Variants in TMEM242 observed in about 807,000 individuals in gnomAD.
The protein encoded by TMEM242 is transmembrane protein 242.
TMEM242 carries 10 observed loss-of-function variants against 18.2 expected under a neutral mutation model. The ratio of observed to expected loss-of-function variants is 0.55; its 90% confidence interval spans 0.34 to 0.93. The LOEUF is 0.93. Among genes scored for constraint, TMEM242 ranks in the 40% least tolerant of loss-of-function variants. TMEM242 has a pLI of 0.02. For synonymous variants in TMEM242, 57 were observed against 69.9 expected (o/e 0.81, Z 0.92); for missense variants, 186 against 175.5 (o/e 1.06, Z -0.34).
rs150133490 is a variant in TMEM242 at position 157,292,943 on chromosome 6, G to T, written c.384C>A (p.Ser128=). The T allele has an allele frequency of 5.9e-4, 952 of 1,613,492 alleles. 4 individuals carry two copies. The African/African-American group carries it at 8.5e-3, about 14-fold the overall frequency. ...QSIFPTIPKN[S]ESAVEWEETL... ...TTTCCTCCCACTCAACAGCCGATTC[G>T]GAGTTCTTGGGAATTGTTGGAAATA... Residue 128 remains serine, a synonymous_variant, in exon 4 of 4, where the codon TCC becomes TCA. Coordinates refer to ENST00000400788, the MANE Select transcript of TMEM242 (RefSeq NM_018452.6).
intron 3 of TMEM242, among the ~76,000 whole-genome samples, chr6:157,308,837 A>C (rs1214520418): frequency 6.6e-6 from 1 of 152,230 alleles, no homozygotes; most frequent in Non-Finnish European, 1.5e-5. Context: ...GGATCCCAAG[A>C]AACTTTTATG....
At chr6:157,310,348 A>G (rs1222073763) in intron 3 of TMEM242, among the ~76,000 whole-genome samples, 1 of 264 alleles carries the variant, frequency 3.8e-3, no homozygotes, top group Non-Finnish European at 9.3e-3. Context: ...TCTTGATAAA[A>G]CAACTGAATC....
intron 3 of TMEM242, chr6:157,318,479 T>A: frequency 2.6e-6 from 1 of 382,688 alleles, no homozygotes; most frequent in East Asian, 3.9e-5. Flanking sequence ...TGCCGCAGGC[T>A]CCCAAGGTGC....
chr6:157,301,925 C>T (rs1777836007), intron 3 of TMEM242, among the ~76,000 whole-genome samples: 1 of 152,200 alleles, frequency 6.6e-6, no homozygotes, highest in Admixed American at 6.5e-5. Context: ...GAGCAAGACT[C>T]CGTCTCAACA....
intron 3 of TMEM242, among the ~76,000 whole-genome samples, chr6:157,313,989 C>G (rs1224289294): frequency 9.3e-5 from 10 of 108,098 alleles, no homozygotes; most frequent in South Asian, 3.0e-4. Flanking sequence ...CATAGTGCCC[C>G]AGTGTGCGCT....
intron 3 of TMEM242, chr6:157,299,422 T>C: frequency 1.5e-6 from 2 of 1,304,584 alleles, no homozygotes; most frequent in African/African-American, 1.4e-5. Context: ...CAGGAACACT[T>C]GAGTCTCCAT....
rs1213976067 is a variant in TMEM242, at chr6:157,289,053, C to T, written c.*3848G>A. 2.0e-5 allele frequency among the ~76,000 whole-genome samples: 3 copies of T among 147,160 alleles called. No individual in the cohort carries two copies. The highest frequency in any genetic ancestry group is 2.2e-4 in the South Asian group (1 of 4,624). The stretch of plus-strand genomic sequence containing the variant: ...CTTTAAGTACATTTAATACATTCAC[C>T]TTTTTTTTTTTTTAAAGTAAGGGAT... On this transcript the variant is annotated 3_prime_UTR_variant, in exon 4 of 4. Transcript: ENST00000400788.
intron 3 of TMEM242, among the ~76,000 whole-genome samples, chr6:157,310,748 GCACTCACC>G (rs1562382183): frequency 7.0e-6 from 1 of 142,166 alleles, no homozygotes; most frequent in African/African-American, 2.6e-5. Context: ...GTCCCAGTGT[GCACTCACC>G]CGGCCTCATC....
rs1314876205 is a variant in TMEM242, at chr6:157,305,282, G to T, written c.328-12283C>A. Among the ~76,000 whole-genome samples, 3 of 152,146 alleles carry T rather than the reference G, an allele frequency of 2.0e-5. No individual in the cohort carries two copies. The highest frequency in any genetic ancestry group is 4.4e-5 in the Non-Finnish European group (3 of 68,024). ...AGGACTTGCATGCATCAGATGAAGG[G>T]AACCAAGGGAAATGAGAGAATCTAA... is the stretch of plus-strand genomic sequence containing the variant. On this transcript the variant is annotated intron_variant, in intron 3 of 3. Transcript: ENST00000400788. This position sits in a 1 kb window ranked among gnomAD's most constrained non-coding sequence, Gnocchi z 4.1.
At chr6:157,313,008 G>A (rs797026521) in intron 3 of TMEM242, among the ~76,000 whole-genome samples, 2 of 143,202 alleles carry the variant, frequency 1.4e-5, no homozygotes, top group African/African-American at 2.6e-5. Context: ...GTGTCCCAGT[G>A]TCCGCTCACC....
At chr6:157,301,349 G>T (rs1420878178) in intron 3 of TMEM242, among the ~76,000 whole-genome samples, 1 of 151,310 alleles carries the variant, frequency 6.6e-6, no homozygotes, top group Non-Finnish European at 1.5e-5. Flanking sequence ...ACAGAGTCTT[G>T]CTCTGTTGCC....
intron 3 of TMEM242, among the ~76,000 whole-genome samples, chr6:157,313,561 C>G (rs1554249826): frequency 6.6e-6 from 1 of 151,900 alleles, no homozygotes; most frequent in South Asian, 2.1e-4. Flanking sequence ...GTTCGCTCAC[C>G]TAGCCTCATC....
intron 3 of TMEM242, among the ~76,000 whole-genome samples, chr6:157,311,665 C>T (rs62425575): frequency 0.49 from 970 of 1,984 alleles, 39 homozygotes; most frequent in South Asian, 0.55. Flanking sequence ...TGCACTCACC[C>T]GGCCTCATCA....
At chr6:157,294,412 G>A (rs923716923) in intron 3 of TMEM242, among the ~76,000 whole-genome samples, 25 of 145,154 alleles carry the variant, frequency 1.7e-4, no homozygotes, top group African/African-American at 6.1e-4. Context: ...GTGCAGTGGC[G>A]GGATCTCGGC....
intron 2 of TMEM242, among the ~76,000 whole-genome samples, chr6:157,321,001 T>A (rs1219934436): frequency 7.1e-6 from 1 of 140,774 alleles, no homozygotes; most frequent in African/African-American, 2.5e-5. Context: ...CCCATTTCTT[T>A]TTTTTTTTTT....
chr6:157,318,987 T>C (rs1160475969), intron 2 of TMEM242, 68 bp from the exon 3 acceptor site: 13 of 1,462,062 alleles, frequency 8.9e-6, no homozygotes, highest in African/African-American at 2.8e-5. Context: ...CTGGGGGTGT[T>C]TGCAAATTCC....
intron 3 of TMEM242, 31 bp downstream of exon 3, chr6:157,318,751 A>G (rs1778446991): frequency 4.3e-6 from 7 of 1,612,446 alleles, no homozygotes; most frequent in Non-Finnish European, 5.9e-6. Context: ...ATAAACATGT[A>G]GATACCAGGG....
intron 3 of TMEM242, 28 bp from the exon 4 acceptor site, chr6:157,293,027 A>G (rs782696003): frequency 3.2e-6 from 5 of 1,566,268 alleles, no homozygotes; most frequent in Middle Eastern, 1.8e-4. Context: ...ATCAGTTATC[A>G]AATGTTAAAA....
At chr6:157,310,295 T>C (rs922278441) in intron 3 of TMEM242, among the ~76,000 whole-genome samples, 1 of 151,896 alleles carries the variant, frequency 6.6e-6, no homozygotes, top group Non-Finnish European at 1.5e-5. Context: ...CAAGAGTTCC[T>C]TAAAGCATTT....
Sources: allele counts gnomAD v4.1 joint callset (sites outside exome capture counted in the v4.1 genomes callset), GRCh38; gene constraint gnomAD v4.1.1; non-coding constraint Gnocchi (gnomAD v3.1); transcripts MANE v1.5; gene names NCBI Gene and HGNC (gene_info 2026-07-23, HGNC 2026-07-21).